ERG: variants seen among roughly 807,000 people sequenced by gnomAD.
ERG encodes transcriptional regulator ERG.
ERG carries 9 observed loss-of-function variants against 55.3 expected under a neutral mutation model. The observed-to-expected ratio is 0.16, with a 90% CI of 0.10 to 0.28. The LOEUF is 0.28. ERG is among the 10% of genes least tolerant of loss of function. The pLI is 1.00. For synonymous variants in ERG, 223 were observed against 237.3 expected (o/e 0.94, Z 0.55); for missense variants, 434 against 631.6 (o/e 0.69, Z 3.35).
intron 2 of ERG, among the ~76,000 whole-genome samples, chr21:38,437,987 T>C (rs2058806496): frequency 1.3e-5 from 2 of 152,204 alleles, no homozygotes; most frequent in African/African-American, 4.8e-5. Context: ...AGTCCGGCAA[T>C]GGCCCCACGG....
chr21:38,594,892 A>G (rs1238823843), intron 1 of ERG, among the ~76,000 whole-genome samples: 1 of 152,180 alleles, frequency 6.6e-6, no homozygotes, highest in East Asian at 1.9e-4. Context: ...TGATTTTGCC[A>G]TCTTGGCCAT....
At chr21:38,378,710 T>C (rs1987307453), downstream of ERG, among the ~76,000 whole-genome samples, 1 of 152,226 alleles carries the variant, frequency 6.6e-6, no homozygotes, top group Non-Finnish European at 1.5e-5. Context: ...TGCAGTCTAA[T>C]GTATAACAAA....
In ERG at chr21:38,480,218, G is replaced by T. The variant is rs189215445; in HGVS notation, c.18+18145C>A. On this transcript the variant is annotated intron_variant, in intron 1 of 9. Coordinates refer to ENST00000288319, the MANE Select transcript of ERG (RefSeq NM_182918.4). ...CTTAGCATGGTGAACAATTTAAGACGTATGATTCATTTATTTCTAGAAATG... is the reference window on the plus strand; with the variant it reads ...CTTAGCATGGTGAACAATTTAAGACTTATGATTCATTTATTTCTAGAAATG... 1.6e-4 allele frequency among the ~76,000 whole-genome samples: 24 copies of T among 152,230 alleles called. No individual in the cohort carries two copies. In the South Asian group the frequency reaches 5.0e-3, roughly 32 times the overall value.
intron 2 of ERG, among the ~76,000 whole-genome samples, chr21:38,441,962 C>T (rs1601407726): frequency 1.3e-5 from 2 of 152,342 alleles, no homozygotes; most frequent in South Asian, 2.1e-4. Context: ...ACATGATGGT[C>T]TTCACTCGGT....
intron 1 of ERG, among the ~76,000 whole-genome samples, chr21:38,620,895 A>G (rs950537154): frequency 2.6e-5 from 4 of 152,256 alleles, no homozygotes; most frequent in Non-Finnish European, 5.9e-5. Flanking sequence ...CATTCTGTCA[A>G]GCACAGCCTT....
At position 38,605,438 on chromosome 21, in the gene ERG, G is replaced by GA. The variant is rs148336130; in HGVS notation, c.-149-20494dup. 2.5e-3 allele frequency among the ~76,000 whole-genome samples: 386 copies of GA among 152,224 alleles called. 1 individual carries two copies. Among genetic ancestry groups the GA allele is most frequent in the Middle Eastern group, 0.014 (4 of 294 alleles). On this transcript the variant is annotated intron_variant, in intron 1 of 10. Coordinates refer to the ERG transcript ENST00000398910. Reference sequence around the variant, plus strand: ...ATTACAAGCACGTTGAAATGCTAGAGAAAATCTAACCACCACCAACATCCA... The same window carrying GA: ...ATTACAAGCACGTTGAAATGCTAGAGAAAAATCTAACCACCACCAACATCCA...
chr21:38,590,055 T>C (rs970417928), intron 1 of ERG, among the ~76,000 whole-genome samples: 13 of 152,334 alleles, frequency 8.5e-5, no homozygotes, highest in Admixed American at 5.2e-4. Context: ...GCTCAGCTCA[T>C]AGATCTCCAT....
At chr21:38,523,212 T>C (rs1001994514) in intron 2 of ERG, among the ~76,000 whole-genome samples, 11 of 152,150 alleles carry the variant, frequency 7.2e-5, no homozygotes, top group African/African-American at 2.2e-4. Context: ...AAAAATAACG[T>C]GGGTTAATGT....
intron 1 of ERG, among the ~76,000 whole-genome samples, chr21:38,628,254 T>G (rs1419770055): frequency 6.6e-6 from 1 of 152,158 alleles, no homozygotes; most frequent in Admixed American, 6.5e-5. Flanking sequence ...ACAGCCTGCT[T>G]TTTCTTTCTT....
intron 1 of ERG, among the ~76,000 whole-genome samples, chr21:38,490,378 T>C (rs897594688): frequency 2.0e-5 from 3 of 152,202 alleles, no homozygotes; most frequent in African/African-American, 7.2e-5. Context: ...ATGTGTGCCA[T>C]ATACAGTTCT....
chr21:38,525,630 G>A (rs1417743911), intron 2 of ERG, among the ~76,000 whole-genome samples: 2 of 152,172 alleles, frequency 1.3e-5, no homozygotes, highest in South Asian at 2.1e-4. Flanking sequence ...TCCTGCTCAC[G>A]TTACCTCCTA....
chr21:38,542,925 A>T (rs1013916172), intron 2 of ERG, among the ~76,000 whole-genome samples: 1 of 152,192 alleles, frequency 6.6e-6, no homozygotes, highest in Non-Finnish European at 1.5e-5. Context: ...TCTACCATAG[A>T]TTCTTTAGAC....
chr21:38,608,750 T>C (rs369270348), intron 1 of ERG, among the ~76,000 whole-genome samples: 98 of 152,154 alleles, frequency 6.4e-4, no homozygotes, highest in African/African-American at 2.2e-3. Context: ...CCAGAACCAG[T>C]GGGGTGGGAG....
chr21:38,525,878 G>C (rs532577243), intron 2 of ERG, among the ~76,000 whole-genome samples: 1 of 152,326 alleles, frequency 6.6e-6, no homozygotes, highest in African/African-American at 2.4e-5. Flanking sequence ...ATGGGCCAAT[G>C]AGAGCTCTGA....
chr21:38,455,533 C>T (rs2058980090), intron 1 of ERG, among the ~76,000 whole-genome samples: 1 of 152,142 alleles, frequency 6.6e-6, no homozygotes, highest in South Asian at 2.1e-4. Context: ...TTATGCTTGG[C>T]CCTTTCAAAA....
chr21:38,432,375 T>C (rs1990254835), intron 2 of ERG, among the ~76,000 whole-genome samples: 1 of 152,238 alleles, frequency 6.6e-6, no homozygotes, highest in Admixed American at 6.5e-5. Context: ...ATTGCAGGCA[T>C]GAGCTGCTGC....
intron 1 of ERG, among the ~76,000 whole-genome samples, chr21:38,450,220 G>A (rs201127736): frequency 6.7e-6 from 1 of 149,500 alleles, no homozygotes; most frequent in Non-Finnish European, 1.5e-5. Flanking sequence ...AAAAAACAAA[G>A]AAAAAAAAAT....
intron 2 of ERG, among the ~76,000 whole-genome samples, chr21:38,533,331 A>G (rs1442554205): frequency 6.6e-6 from 1 of 152,174 alleles, no homozygotes; most frequent in East Asian, 1.9e-4. Context: ...ATTTATTTTT[A>G]TTTTAGCTTC....
At chr21:38,404,242 C>A (rs1011134645) in intron 3 of ERG, among the ~76,000 whole-genome samples, 3 of 152,102 alleles carry the variant, frequency 2.0e-5, no homozygotes, top group African/African-American at 7.2e-5. Flanking sequence ...AATATAGATA[C>A]ACCAAGACTC....
Sources: gnomAD v4.1 joint callset for allele counts (sites outside exome capture counted in the v4.1 genomes callset) on GRCh38, gnomAD v4.1.1 for gene constraint, MANE v1.5 for transcripts, NCBI Gene and HGNC (gene_info 2026-07-23, HGNC 2026-07-21) for gene names.